CTBS: variants seen among roughly 807,000 people sequenced by gnomAD.
The protein encoded by CTBS is di-N-acetylchitobiase.
Under a neutral mutation model 44.3 loss-of-function variants are expected in CTBS, and 35 were observed. That is an observed-to-expected ratio of 0.79 (90% CI 0.60 to 1.05). CTBS has a LOEUF of 1.05. Ranked by LOEUF, CTBS falls within the 50% of genes least tolerant of loss-of-function variation. The pLI, the probability that CTBS is intolerant of heterozygous loss-of-function variation, is 0.00. For missense variants in CTBS, 458 were observed against 475.3 expected (o/e 0.96, Z 0.34); for synonymous variants, 143 against 168.0 (o/e 0.85, Z 1.15).
At position 84,563,331 on chromosome 1, in the gene CTBS, T is replaced by G. The variant is rs772796713; in HGVS notation, c.883A>C (p.Met295Leu). ...GAAATAGAACTATTTATTTGCTTCA[T>G]GATCGTTTTGTAGGGCACCTGACGT... is the stretch of plus-strand genomic sequence containing the variant. ...AGRQVPYKTI[M>L]KQINSSISGN... The change falls in exon 6 of 7, where the codon ATG (methionine) becomes CTG (leucine). Residue 295 changes from methionine to leucine, a missense_variant. Coordinates refer to ENST00000370630, the MANE Select transcript of CTBS (RefSeq NM_004388.3). The G allele has an allele frequency of 6.2e-7, 1 of 1,600,048 alleles. No homozygotes were observed. Among genetic ancestry groups the G allele is most frequent in the Non-Finnish European group, 8.5e-7 (1 of 1,173,746 alleles).
rs1247502010 is a variant in CTBS, at chr1:84,570,038, T to C, written c.418A>G (p.Ile140Val). Reference sequence around the variant, plus strand: ...CAATTAACTTCTTGCTCTATATCTATATTAATTCCATCCATATATTGTGTT... The same window carrying C: ...CAATTAACTTCTTGCTCTATATCTACATTAATTCCATCCATATATTGTGTT... ...AKTQYMDGIN[I>V]DIEQEVNCLS... The change falls in exon 3 of 7, where the codon ATA becomes GTA. Residue 140 changes from isoleucine (I) to valine (V), a missense_variant. Coordinates refer to ENST00000370630, the MANE Select transcript of CTBS (RefSeq NM_004388.3). 5.6e-6 allele frequency: 9 copies of C among 1,613,714 alleles called. No individual in the cohort carries two copies. The highest frequency in any genetic ancestry group is 5.0e-5 in the Admixed American group (3 of 60,002).
intron 6 of CTBS, among the ~76,000 whole-genome samples, chr1:84,562,424 T>C (rs1324804668): frequency 6.6e-6 from 1 of 152,238 alleles, no homozygotes; most frequent in Non-Finnish European, 1.5e-5. Context: ...TGTATATCAA[T>C]TATAATTTAT....
At chr1:84,558,725 A>AC (rs779324854) in intron 6 of CTBS, among the ~76,000 whole-genome samples, 2 of 151,602 alleles carry the variant, frequency 1.3e-5, no homozygotes, top group African/African-American at 2.4e-5. Context: ...ATATAGAAAG[A>AC]CCCCGTCTCT....
chr1:84,555,263 G>A, intron 6 of CTBS, 64 bp from the exon 7 acceptor site: 1 of 1,300,596 alleles, frequency 7.7e-7, no homozygotes. Context: ...CACAGGAAAG[G>A]GAAAAATAAA....
intron 6 of CTBS, among the ~76,000 whole-genome samples, chr1:84,562,184 G>A (rs577515449): frequency 4.6e-5 from 7 of 152,270 alleles, no homozygotes; most frequent in South Asian, 2.1e-4. Context: ...CAAGAGGGGC[G>A]TACAGTATAT....
chr1:84,574,341 C>T lies in CTBS; in HGVS notation c.75G>A (p.Leu25=), dbSNP rs756074317. Residue 25 remains leucine, a synonymous_variant, in exon 1 of 7, where the codon CTG becomes CTA. Transcript: ENST00000370630. ...PPSGVPGLAL[L]ALLALLALRL... Reference sequence around the variant, plus strand: ...GCAGCGCCAGCAGCGCCAGCAGCGCCAGCAGCGCTAGACCCGGGACGCCGC... The same window carrying T: ...GCAGCGCCAGCAGCGCCAGCAGCGCTAGCAGCGCTAGACCCGGGACGCCGC... The T allele has an allele frequency of 4.6e-6, 7 of 1,534,088 alleles. No individual in the cohort carries two copies. In the East Asian group the frequency reaches 1.4e-4, roughly 31 times the overall value.
intron 1 of CTBS, 196 bp downstream of exon 1, chr1:84,574,043 C>T: frequency 7.0e-7 from 1 of 1,433,864 alleles, no homozygotes; most frequent in Non-Finnish European, 9.2e-7. Flanking sequence ...GGCTGTGAGG[C>T]CTGAGGAGTT....
chr1:84,550,437 C>T lies in CTBS; in HGVS notation c.*4562G>A, dbSNP rs991958742. 3 of 1,518,988 alleles carry T rather than the reference C, an allele frequency of 2.0e-6. No homozygotes were observed. The highest frequency in any genetic ancestry group is 2.4e-5 in the East Asian group (1 of 41,280). The allele number at this position is 1,518,988 out of a possible 1,614,324, so 94.1% of individuals were successfully genotyped here. On this transcript the variant is annotated 3_prime_UTR_variant, in exon 7 of 7. Transcript: ENST00000370630. The stretch of plus-strand genomic sequence containing the variant: ...ATATCTATCTATCCACACAGAATTA[C>T]CTAATAATCCAGATCACTGAGGTAC...
Position 84,552,907 on chromosome 1 carries a change from G to T in CTBS, c.*2092C>A, listed in dbSNP as rs376561236. On this transcript the variant is annotated 3_prime_UTR_variant, in exon 7 of 7. Transcript: ENST00000370630. ...TTACTGTAGTAATCCAGTGGGAGTT[G>T]AAAGCACTGAAGCCAAATGAGAGAA... is the stretch of plus-strand genomic sequence containing the variant. The T allele has an allele frequency of 1.4e-3, 853 of 626,274 alleles. 6 individuals carry two copies. The highest frequency in any genetic ancestry group is 8.6e-3 in the South Asian group (459 of 53,180). The allele number at this position is 626,274 out of a possible 1,614,324, so 38.8% of individuals were successfully genotyped here.
chr1:84,556,003 T>C (rs984048416), intron 6 of CTBS: 3 of 152,242 alleles, frequency 2.0e-5, no homozygotes, highest in African/African-American at 7.2e-5. Context: ...AGGAGAAAAG[T>C]ACATCCTTTT....
At chr1:84,561,124 A>C (rs1328452008) in intron 6 of CTBS, among the ~76,000 whole-genome samples, 2 of 152,358 alleles carry the variant, frequency 1.3e-5, no homozygotes, top group East Asian at 3.9e-4. Context: ...GTAAACTGAA[A>C]GCTTTTTGGA....
chr1:84,560,810 T>A (rs1318806801), intron 6 of CTBS, among the ~76,000 whole-genome samples: 1 of 152,196 alleles, frequency 6.6e-6, no homozygotes, highest in African/African-American at 2.4e-5. Context: ...ATAAATGGAA[T>A]AACAAAGCCT....
At chr1:84,562,036 C>T (rs2102023351) in intron 6 of CTBS, among the ~76,000 whole-genome samples, 1 of 152,242 alleles carries the variant, frequency 6.6e-6, no homozygotes, top group Middle Eastern at 3.4e-3. Context: ...TTTTAACAAA[C>T]CATATCCATG....
intron 3 of CTBS, among the ~76,000 whole-genome samples, chr1:84,567,055 G>A (rs1303669129): frequency 6.6e-6 from 1 of 152,104 alleles, no homozygotes; most frequent in Non-Finnish European, 1.5e-5. Context: ...CTTCATTAAA[G>A]GTTGTTTTCC....
intron 3 of CTBS, 51 bp downstream of exon 3, chr1:84,569,880 A>G (rs766079791): frequency 2.2e-6 from 3 of 1,387,594 alleles, no homozygotes; most frequent in Non-Finnish European, 3.1e-6. Flanking sequence ...CCTCATGAGT[A>G]TATTCTGATA....
chr1:84,550,925 T>C lies in CTBS; in HGVS notation c.*4074A>G, dbSNP rs1684251853. ...GTAATCGTTTCATTTTTTCTGGTTA[T>C]TTTCATATGTATTCTATTATTTAAA... On this transcript the variant is annotated 3_prime_UTR_variant, in exon 7 of 7. Coordinates refer to ENST00000370630, the MANE Select transcript of CTBS (RefSeq NM_004388.3). 1 of 978,304 alleles carries C rather than the reference T, an allele frequency of 1.0e-6. No homozygotes were observed. The highest frequency in any genetic ancestry group is 1.2e-6 in the Non-Finnish European group (1 of 823,612). 60.6% of individuals were successfully genotyped at this position (978,304 alleles called of 1,614,324 possible).
chr1:84,555,490 A>G (rs1446579005), intron 6 of CTBS, among the ~76,000 whole-genome samples: 2 of 152,224 alleles, frequency 1.3e-5, no homozygotes, highest in Non-Finnish European at 2.9e-5. Flanking sequence ...TTTTCAACTT[A>G]TCATATGTTT....
intron 6 of CTBS, among the ~76,000 whole-genome samples, chr1:84,558,352 G>C (rs911665318): frequency 6.6e-6 from 1 of 150,804 alleles, no homozygotes; most frequent in Non-Finnish European, 1.5e-5. Flanking sequence ...TGCAGTGGCG[G>C]GATCTCGGCT....
At position 84,551,256 on chromosome 1, in the gene CTBS, C is replaced by G. The variant is rs1331396299; in HGVS notation, c.*3743G>C. On this transcript the variant is annotated 3_prime_UTR_variant, in exon 7 of 7. Coordinates refer to ENST00000370630, the MANE Select transcript of CTBS (RefSeq NM_004388.3). ...TATATGAATGCTCTCATTTCTTTAT[C>G]AGAAACAGCTTTATGACACAGAATA... is the stretch of plus-strand genomic sequence containing the variant. 2 of 984,260 alleles carry G rather than the reference C, an allele frequency of 2.0e-6. No individual in the cohort carries two copies. The highest frequency in any genetic ancestry group is 4.7e-5 in the South Asian group (1 of 21,274). 61.0% of individuals were successfully genotyped at this position (984,260 alleles called of 1,614,324 possible).
Sources: allele counts gnomAD v4.1 joint callset (sites outside exome capture counted in the v4.1 genomes callset), GRCh38; gene constraint gnomAD v4.1.1; transcripts MANE v1.5; gene names NCBI Gene and HGNC (gene_info 2026-07-23, HGNC 2026-07-21).